The following RORA variants were observed in gnomAD, a reference collection of about 807,000 sequenced individuals.
RORA encodes the protein nuclear receptor ROR-alpha.
Under a neutral mutation model 69.5 loss-of-function variants are expected in RORA, and 7 were observed. That is an observed-to-expected ratio of 0.10 (90% CI 0.06 to 0.19). RORA has a LOEUF of 0.19. Among genes scored for constraint, RORA ranks in the 10% least tolerant of loss-of-function variants. The pLI, the probability that RORA is intolerant of heterozygous loss-of-function variation, is 1.00. For synonymous variants in RORA, 261 were observed against 240.8 expected, an observed-to-expected ratio of 1.08 and a Z score of -0.78; for missense variants, 457 against 663.0, an observed-to-expected ratio of 0.69 and a Z score of 3.41.
chr15:60,568,944 T>A (rs1242566737), intron 2 of RORA, among the ~76,000 whole-genome samples: 4 of 137,490 alleles, frequency 2.9e-5, no homozygotes, highest in Non-Finnish European at 6.3e-5. Flanking sequence ...GGTTTTGCGC[T>A]AAAAAAAAAA....
At chr15:61,134,531 A>G (rs2079219096) in intron 1 of RORA, among the ~76,000 whole-genome samples, 1 of 152,236 alleles carries the variant, frequency 6.6e-6, no homozygotes, top group Non-Finnish European at 1.5e-5. Context: ...CTCAATAAGT[A>G]TTAGCCTTTA....
intron 1 of RORA, among the ~76,000 whole-genome samples, chr15:60,921,528 T>C (rs1314115957): frequency 6.6e-6 from 1 of 152,170 alleles, no homozygotes; most frequent in African/African-American, 2.4e-5. Context: ...TGAGGAAGGG[T>C]AGTGACTGGC....
intron 1 of RORA, among the ~76,000 whole-genome samples, chr15:60,738,406 T>C (rs1340179629): frequency 1.3e-5 from 2 of 152,240 alleles, no homozygotes; most frequent in Admixed American, 1.3e-4. Flanking sequence ...CACAAATTCC[T>C]GGGCTGCTCT....
intron 2 of RORA, among the ~76,000 whole-genome samples, chr15:60,607,361 A>G (rs959900655): frequency 3.3e-5 from 5 of 152,342 alleles, no homozygotes; most frequent in South Asian, 2.1e-4. Flanking sequence ...CCTTCCCCCT[A>G]TAAAGTGATT....
chr15:60,915,924 T>C (rs1387354153), intron 1 of RORA, among the ~76,000 whole-genome samples: 1 of 152,140 alleles, frequency 6.6e-6, no homozygotes, highest in Non-Finnish European at 1.5e-5. Flanking sequence ...CTTAGCACAT[T>C]GCGCTTCACA....
chr15:61,019,742 CT>C (rs1238878918), intron 1 of RORA, among the ~76,000 whole-genome samples: 4 of 152,160 alleles, frequency 2.6e-5, no homozygotes, highest in Non-Finnish European at 5.9e-5. Flanking sequence ...CTTGCTTCTC[CT>C]CTGTGCCACT....
At chr15:61,111,599 G>A (rs1324497052) in intron 1 of RORA, among the ~76,000 whole-genome samples, 1 of 152,018 alleles carries the variant, frequency 6.6e-6, no homozygotes, top group African/African-American at 2.4e-5. Context: ...TAAAGCATAA[G>A]GTATGGGTTC....
At chr15:60,874,142 C>T (rs1317650223) in intron 1 of RORA, among the ~76,000 whole-genome samples, 1 of 152,060 alleles carries the variant, frequency 6.6e-6, no homozygotes, top group Admixed American at 6.5e-5. Context: ...ATAATAAGTT[C>T]ACTGCTACAT....
chr15:61,011,407 T>C (rs1242591224), intron 1 of RORA, among the ~76,000 whole-genome samples: 2 of 152,210 alleles, frequency 1.3e-5, no homozygotes, highest in African/African-American at 2.4e-5. Flanking sequence ...TTAGGACTAA[T>C]AAAATGACAA....
At chr15:60,985,417 C>T (rs181837420) in intron 1 of RORA, among the ~76,000 whole-genome samples, 1 of 152,114 alleles carries the variant, frequency 6.6e-6, no homozygotes, top group African/African-American at 2.4e-5. Flanking sequence ...ATTCGTTTCG[C>T]CCTGAGAGCA....
intron 2 of RORA, among the ~76,000 whole-genome samples, chr15:60,595,381 G>A (rs2068643448): frequency 6.6e-6 from 1 of 151,920 alleles, no homozygotes; most frequent in Admixed American, 6.6e-5. Flanking sequence ...GCGTGGTGGT[G>A]CTTGCCTGTA....
At chr15:60,941,431 C>A (rs1164873256) in intron 1 of RORA, among the ~76,000 whole-genome samples, 1 of 152,242 alleles carries the variant, frequency 6.6e-6, no homozygotes, top group African/African-American at 2.4e-5. Context: ...AGGGCCAAAT[C>A]TGGCTTGTCC....
chr15:60,627,399 C>T (rs751872038), intron 2 of RORA: 1 of 1,613,858 alleles, frequency 6.2e-7, no homozygotes, highest in East Asian at 2.2e-5. Context: ...ACCCATCTGC[C>T]TCCAGAAACT....
intron 1 of RORA, among the ~76,000 whole-genome samples, chr15:60,871,845 T>C (rs2073559740): frequency 6.6e-6 from 1 of 152,192 alleles, no homozygotes; most frequent in South Asian, 2.1e-4. Flanking sequence ...AAAATCCAAA[T>C]AAAGTCTGGA....
chr15:60,651,263 A>G (rs2070139064), intron 2 of RORA, among the ~76,000 whole-genome samples: 1 of 152,286 alleles, frequency 6.6e-6, no homozygotes, highest in Non-Finnish European at 1.5e-5. Context: ...CATATGGTGC[A>G]AGTTCATCTC....
At chr15:60,936,805 T>C (rs1892536952) in intron 1 of RORA, among the ~76,000 whole-genome samples, 1 of 152,206 alleles carries the variant, frequency 6.6e-6, no homozygotes, top group Admixed American at 6.5e-5. Context: ...GACAGACATT[T>C]TGTTAGGGGC....
chr15:60,828,321 C>G (rs1223688279), intron 1 of RORA, among the ~76,000 whole-genome samples: 1 of 152,146 alleles, frequency 6.6e-6, no homozygotes, highest in Non-Finnish European at 1.5e-5. Flanking sequence ...GTGGCCCTGC[C>G]AATCTAGTAA....
chr15:60,779,902 G>T (rs1035611280), intron 1 of RORA, among the ~76,000 whole-genome samples: 2 of 152,188 alleles, frequency 1.3e-5, no homozygotes, highest in Admixed American at 1.3e-4. Context: ...TCGAAGGGTG[G>T]AGACACTCAG....
intron 1 of RORA, among the ~76,000 whole-genome samples, chr15:60,887,003 T>C (rs2073758430): frequency 6.6e-6 from 1 of 152,214 alleles, no homozygotes; most frequent in South Asian, 2.1e-4. Context: ...GCTCCTCGGC[T>C]ACAAGATCGT....
Sources: allele counts gnomAD v4.1 joint callset (sites outside exome capture counted in the v4.1 genomes callset), GRCh38; gene constraint gnomAD v4.1.1; transcripts MANE v1.5; gene names NCBI Gene and HGNC (gene_info 2026-07-23, HGNC 2026-07-21).